The following CBLB variants were observed in gnomAD, a reference collection of about 807,000 sequenced individuals.
CBLB encodes Cbl proto-oncogene B, also known as E3 ubiquitin-protein ligase CBL-B.
In CBLB, 31 loss-of-function variants were observed where a neutral mutation model predicts 104.9. The observed-to-expected ratio is 0.30, with a 90% CI of 0.22 to 0.40. The LOEUF (loss-of-function observed/expected upper bound fraction) is 0.40. CBLB is among the 10% of genes least tolerant of loss of function. CBLB has a pLI of 1.00. For synonymous variants in CBLB, 440 were observed against 422.6 expected, an observed-to-expected ratio of 1.04 and a Z score of -0.51; for missense variants, 1,062 against 1,214.6, an observed-to-expected ratio of 0.87 and a Z score of 1.87.
Position 105,853,492 on chromosome 3 carries a change from A to T in CBLB, c.341T>A (p.Leu114His). ...TATTGCCCGTTTTGACTTTTTCATA[A>T]GGCTATCAATGTAGATTTTAAAGTA... ...NEYFKIYIDS[L>H]MKKSKRAIRL... is the part of the protein sequence containing the mutation. Residue 114 changes from leucine to histidine, a missense_variant, in exon 3 of 19, where the codon CTT (leucine) becomes CAT (histidine). Leu to His is a moderately conservative substitution (Grantham distance 99, BLOSUM62 -3). Coordinates refer to ENST00000394030, the MANE Select transcript of CBLB (RefSeq NM_170662.5). The T allele has an allele frequency of 6.2e-7, 1 of 1,613,522 alleles. No individual in the cohort carries two copies. The highest frequency in any genetic ancestry group is 1.1e-5 in the South Asian group (1 of 91,068).
At chr3:105,843,131 C>G (rs1342030857) in intron 3 of CBLB, among the ~76,000 whole-genome samples, 3 of 152,188 alleles carry the variant, frequency 2.0e-5, no homozygotes, top group African/African-American at 4.8e-5. Context: ...CAGAGACCAT[C>G]TGGCAAAGTC....
At chr3:105,717,924 C>T (rs1314209816) in intron 10 of CBLB, among the ~76,000 whole-genome samples, 1 of 152,094 alleles carries the variant, frequency 6.6e-6, no homozygotes, top group African/African-American at 2.4e-5. Flanking sequence ...TCCTTGATCC[C>T]GTTTGATCAT....
chr3:105,800,160 T>A (rs917097725), intron 3 of CBLB, among the ~76,000 whole-genome samples: 1 of 152,118 alleles, frequency 6.6e-6, no homozygotes, highest in Non-Finnish European at 1.5e-5. Context: ...ACAGAAGCGG[T>A]GGTCAGTGGT....
intron 3 of CBLB, among the ~76,000 whole-genome samples, chr3:105,848,834 T>C (rs1484019145): frequency 6.6e-6 from 1 of 152,136 alleles, no homozygotes; most frequent in African/African-American, 2.4e-5. Flanking sequence ...AGTGAATTTA[T>C]AATATTCCCA....
At chr3:105,708,965 C>T (rs2070655151) in intron 10 of CBLB, among the ~76,000 whole-genome samples, 1 of 151,884 alleles carries the variant, frequency 6.6e-6, no homozygotes, top group Admixed American at 6.6e-5. Context: ...ATCTACACTG[C>T]CAAAAGGTAA....
chr3:105,689,510 TA>T (rs892497396), intron 13 of CBLB, among the ~76,000 whole-genome samples: 154 of 141,352 alleles, frequency 1.1e-3, no homozygotes, highest in South Asian at 3.1e-3. Flanking sequence ...AAAAAATTCT[TA>T]AAAAAAAAAA....
rs777524900 is a variant in CBLB, at chr3:105,702,123, G to A, written c.1930C>T (p.Arg644Cys). ...SDPVLMRKHR[R>C]HDLPLEGAKV... ...GCTCCTTCTAAAGGCAAATCATGGCGTCTGTGTTTCCGCATAAGCACTGGG... is the reference window on the plus strand; with the variant it reads ...GCTCCTTCTAAAGGCAAATCATGGCATCTGTGTTTCCGCATAAGCACTGGG... The change falls in exon 12 of 19, where the codon CGC (arginine) becomes TGC (cysteine). Residue 644 changes from arginine to cysteine, a missense_variant. By Grantham distance (180) the Arg-to-Cys change is radical (BLOSUM62 -3). Coordinates refer to ENST00000394030, the MANE Select transcript of CBLB (RefSeq NM_170662.5). 33 of 1,613,980 alleles carry A rather than the reference G, an allele frequency of 2.0e-5. No homozygotes were observed. Among genetic ancestry groups the A allele is most frequent in the Admixed American group, 1.7e-4 (10 of 60,000 alleles).
chr3:105,718,065 G>A (rs911301678), intron 10 of CBLB, among the ~76,000 whole-genome samples: 2 of 151,984 alleles, frequency 1.3e-5, no homozygotes, highest in African/African-American at 4.8e-5. Context: ...TTTATTCCAC[G>A]TCTTCCTTAA....
chr3:105,865,311 A>G (rs1176461093), intron 2 of CBLB, among the ~76,000 whole-genome samples: 1 of 152,228 alleles, frequency 6.6e-6, no homozygotes, highest in Non-Finnish European at 1.5e-5. Flanking sequence ...TTCTTTCATA[A>G]TAATTTATGC....
intron 4 of CBLB, among the ~76,000 whole-genome samples, chr3:105,755,986 G>A (rs892313043): frequency 1.3e-5 from 2 of 152,164 alleles, no homozygotes; most frequent in Non-Finnish European, 2.9e-5. Flanking sequence ...ATGATCCAAT[G>A]TTAAACTATA....
chr3:105,781,712 A>G (rs1437117726), intron 3 of CBLB, among the ~76,000 whole-genome samples: 1 of 152,224 alleles, frequency 6.6e-6, no homozygotes, highest in Non-Finnish European at 1.5e-5. Context: ...GGAAATAAAA[A>G]GCTTTAAATG....
intron 3 of CBLB, among the ~76,000 whole-genome samples, chr3:105,796,909 GA>G (rs2082311204): frequency 1.3e-5 from 2 of 152,034 alleles, no homozygotes; most frequent in Admixed American, 1.3e-4. Flanking sequence ...GGCTATTATT[GA>G]AAAGTCAAAA....
At chr3:105,820,494 A>G (rs2085687805) in intron 3 of CBLB, among the ~76,000 whole-genome samples, 1 of 152,204 alleles carries the variant, frequency 6.6e-6, no homozygotes, top group Non-Finnish European at 1.5e-5. Context: ...TAATGTGTAA[A>G]TGAACAGTAC....
chr3:105,853,296 T>C (rs1041225899), intron 3 of CBLB, 118 bp downstream of exon 3: 8 of 980,134 alleles, frequency 8.2e-6, no homozygotes, highest in African/African-American at 6.4e-5. Context: ...CACATGACTA[T>C]ATACAAAGCG....
chr3:105,677,770 A>T (rs1299091582), intron 17 of CBLB, among the ~76,000 whole-genome samples: 1 of 149,876 alleles, frequency 6.7e-6, no homozygotes, highest in Admixed American at 6.7e-5. Flanking sequence ...AAAATATACT[A>T]ATATAAAAAA....
At chr3:105,709,002 A>G (rs1013769267) in intron 10 of CBLB, among the ~76,000 whole-genome samples, 17 of 151,956 alleles carry the variant, frequency 1.1e-4, no homozygotes, top group African/African-American at 4.1e-4. Context: ...GTTAAACAAA[A>G]TGCCCACCCT....
intron 3 of CBLB, among the ~76,000 whole-genome samples, chr3:105,815,969 C>T (rs556665044): frequency 7.6e-4 from 116 of 152,060 alleles, no homozygotes; most frequent in Non-Finnish European, 1.4e-3. Flanking sequence ...AACCAAATAC[C>T]GCATGTTCTC....
At chr3:105,683,543 TC>T (rs2066589805) in intron 14 of CBLB, among the ~76,000 whole-genome samples, 1 of 149,270 alleles carries the variant, frequency 6.7e-6, no homozygotes, top group African/African-American at 2.5e-5. Flanking sequence ...ATTATACTCC[TC>T]ACTTATCCAG....
At chr3:105,744,639 A>C (rs1424602317) in intron 6 of CBLB, among the ~76,000 whole-genome samples, 1 of 152,280 alleles carries the variant, frequency 6.6e-6, no homozygotes, top group East Asian at 1.9e-4. Context: ...ACTTAAAAAA[A>C]AAACTGTTTT....
Sources: allele counts gnomAD v4.1 joint callset (sites outside exome capture counted in the v4.1 genomes callset), GRCh38; gene constraint gnomAD v4.1.1; transcripts MANE v1.5; gene names NCBI Gene and HGNC (gene_info 2026-07-23, HGNC 2026-07-21).